The following PHF21B variants were observed in gnomAD, a reference collection of about 807,000 sequenced individuals.
PHF21B encodes PHD finger protein 4.
PHF21B carries 22 observed loss-of-function variants against 62.2 expected under a neutral mutation model. That is an observed-to-expected ratio of 0.35 (90% CI 0.25 to 0.51). PHF21B has a LOEUF of 0.51. Ranked by LOEUF, PHF21B falls within the 20% of genes least tolerant of loss-of-function variation. PHF21B has a pLI of 0.97. For synonymous variants in PHF21B, 341 were observed against 314.7 expected (o/e 1.08, Z -0.88); for missense variants, 701 against 707.9 (o/e 0.99, Z 0.11).
In PHF21B at chr22:44,882,980, T is replaced by G; in HGVS notation, c.*106A>C. The G allele has an allele frequency of 7.7e-7, 1 of 1,299,520 alleles. No individual in the cohort carries two copies. The highest frequency in any genetic ancestry group is 1.0e-6 in the Non-Finnish European group (1 of 953,370). 80.5% of individuals were successfully genotyped at this position (1,299,520 alleles called of 1,614,324 possible). A position where few individuals can be genotyped will look rare whatever the true frequency, so the allele number is the denominator to read the frequency against. ...CTCCTCTCCTCTGTCTGGTTAATTT[T>G]TGTCTGAAATTCATAGTGTTTATGA... On this transcript the variant is annotated 3_prime_UTR_variant, in exon 13 of 13. Transcript: ENST00000313237.
At chr22:44,995,499 C>T (rs1364346511) in intron 2 of PHF21B, among the ~76,000 whole-genome samples, 2 of 152,074 alleles carry the variant, frequency 1.3e-5, no homozygotes, top group Non-Finnish European at 2.9e-5. Context: ...TGAAGAGTCC[C>T]GAGGCACTCT....
intron 9 of PHF21B, 57 bp from the exon 10 acceptor site, chr22:44,888,178 G>C (rs1227144529): frequency 7.0e-7 from 1 of 1,427,226 alleles, no homozygotes; most frequent in African/African-American, 1.5e-5. Flanking sequence ...AGCGGGGGCC[G>C]GTCAGCCAGG....
chr22:44,967,323 C>A (rs921546281), intron 2 of PHF21B, among the ~76,000 whole-genome samples: 1 of 151,494 alleles, frequency 6.6e-6, no homozygotes, highest in Non-Finnish European at 1.5e-5. Context: ...CGGGTTCATG[C>A]CATTCTCCTG....
intron 2 of PHF21B, among the ~76,000 whole-genome samples, chr22:44,997,714 G>A (rs77960920): frequency 6.6e-6 from 1 of 152,202 alleles, no homozygotes; most frequent in East Asian, 1.9e-4. Flanking sequence ...ACATCAAAGA[G>A]AAACACTTCT....
At chr22:44,896,167 G>C (rs987088924) in intron 5 of PHF21B, 84 bp from the exon 6 acceptor site, 4 of 1,488,660 alleles carry the variant, frequency 2.7e-6, no homozygotes, top group Non-Finnish European at 3.7e-6. Flanking sequence ...TGTGGCAGGT[G>C]CAGGGCGATA....
At chr22:44,940,169 A>G (rs541288222) in intron 2 of PHF21B, among the ~76,000 whole-genome samples, 191 of 152,310 alleles carry the variant, frequency 1.3e-3, no homozygotes, top group Non-Finnish European at 2.0e-3. Context: ...CCACGGGCTT[A>G]GATCACCAGT....
At chr22:44,912,896 A>AAAAAAAAAAAAAAAAAAAAAAAAC in intron 5 of PHF21B, among the ~76,000 whole-genome samples, 1 of 149,656 alleles carries the variant, frequency 6.7e-6, no homozygotes, top group African/African-American at 2.5e-5. Context: ...AAAAAAAAAA[A>AAAAAAAAAAAAAAAAAAAAAAAAC]AGACAAAAAG....
rs143039768 is a variant in PHF21B, at chr22:44,947,345, G to A, written c.121-26855C>T. Among the ~76,000 whole-genome samples the A allele has an allele frequency of 1.7e-3, 262 of 152,356 alleles. 2 individuals are homozygous for A. The highest frequency in any genetic ancestry group is 6.0e-3 in the African/African-American group (251 of 41,588). ...CGCAAGGCAGGGCTCTGCTGCCTTTGTTTTTAAGCAGACCGACGCATGGGC... is the reference window on the plus strand; with the variant it reads ...CGCAAGGCAGGGCTCTGCTGCCTTTATTTTTAAGCAGACCGACGCATGGGC... On this transcript the variant is annotated intron_variant, in intron 2 of 12. Transcript: ENST00000313237.
chr22:44,936,647 A>G (rs1464284638), intron 2 of PHF21B, among the ~76,000 whole-genome samples: 1 of 152,250 alleles, frequency 6.6e-6, no homozygotes, highest in Admixed American at 6.5e-5. Flanking sequence ...AATGAAGTAC[A>G]TGCTGAAATA....
At chr22:44,893,024 G>T (rs562130890) in intron 7 of PHF21B, among the ~76,000 whole-genome samples, 2 of 152,030 alleles carry the variant, frequency 1.3e-5, no homozygotes, top group Admixed American at 1.3e-4. Context: ...CTTTCTTTAC[G>T]GTGCCCGCCT....
At chr22:44,931,888 C>T (rs902039143) in intron 2 of PHF21B, among the ~76,000 whole-genome samples, 6 of 152,212 alleles carry the variant, frequency 3.9e-5, no homozygotes, top group Non-Finnish European at 8.8e-5. Context: ...TGTGCAATCC[C>T]TCCCACCGTG....
chr22:44,889,917 G>A (rs2070931073), intron 8 of PHF21B, 135 bp from the exon 9 acceptor site: 1 of 904,196 alleles, frequency 1.1e-6, no homozygotes, highest in Non-Finnish European at 1.6e-6. Context: ...AGGCCCCCAT[G>A]ATACCTGGGC....
At chr22:44,932,205 G>A (rs2071755658) in intron 2 of PHF21B, among the ~76,000 whole-genome samples, 1 of 152,340 alleles carries the variant, frequency 6.6e-6, no homozygotes, top group East Asian at 1.9e-4. Flanking sequence ...GAGGGGCCAT[G>A]GGCTTGCTGT....
At chr22:44,924,913 C>A (rs1446011354) in intron 2 of PHF21B, among the ~76,000 whole-genome samples, 2 of 152,160 alleles carry the variant, frequency 1.3e-5, no homozygotes, top group Non-Finnish European at 2.9e-5. Context: ...CAAACGCTCA[C>A]CAACAAGTAC....
In PHF21B at chr22:44,995,333, G is replaced by A. The variant is rs144874007; in HGVS notation, c.120+13212C>T. 4.5e-3 allele frequency among the ~76,000 whole-genome samples: 680 copies of A among 152,176 alleles called. 3 individuals carry two copies. The highest frequency in any genetic ancestry group is 6.9e-3 in the Admixed American group (105 of 15,284). On this transcript the variant is annotated intron_variant, in intron 2 of 12. Coordinates refer to ENST00000313237, the MANE Select transcript of PHF21B (RefSeq NM_138415.5). ...TTAGATCCACAATATGAGAGGCAGC[G>A]TTCCCCATTCAAGTCCACTCAGCAG...
chr22:45,007,313 C>T (rs550638094), intron 2 of PHF21B, among the ~76,000 whole-genome samples: 73 of 152,056 alleles, frequency 4.8e-4, no homozygotes, highest in African/African-American at 1.7e-3. Flanking sequence ...TCCGAATTCT[C>T]TCTCGCCAGG....
chr22:44,980,659 A>T (rs1158756570), intron 2 of PHF21B, among the ~76,000 whole-genome samples: 1 of 152,188 alleles, frequency 6.6e-6, no homozygotes, highest in Non-Finnish European at 1.5e-5. Context: ...AAGTCAAGCC[A>T]CTGCCTCCCC....
At chr22:44,914,699 G>A (rs1275756837) in intron 4 of PHF21B, among the ~76,000 whole-genome samples, 3 of 152,300 alleles carry the variant, frequency 2.0e-5, no homozygotes, top group East Asian at 1.9e-4. Flanking sequence ...GGCCCCTCAC[G>A]TGGTGGATGG....
chr22:44,984,101 T>TCAC (rs2072893600), intron 2 of PHF21B, among the ~76,000 whole-genome samples: 1 of 137,130 alleles, frequency 7.3e-6, no homozygotes, highest in Non-Finnish European at 1.6e-5. Flanking sequence ...ATCATCACCA[T>TCAC]CATCACCACC....
Sources: gnomAD v4.1 joint callset for allele counts (sites outside exome capture counted in the v4.1 genomes callset) on GRCh38, gnomAD v4.1.1 for gene constraint, MANE v1.5 for transcripts, NCBI Gene and HGNC (gene_info 2026-07-23, HGNC 2026-07-21) for gene names.